The following ALPK2 variants were observed in gnomAD, a reference collection of about 807,000 sequenced individuals.
ALPK2 encodes the protein alpha kinase 2.
A neutral mutation model predicts 163.1 loss-of-function variants in ALPK2; 127 were observed. The observed-to-expected ratio is 0.78, with a 90% confidence interval of 0.67 to 0.90. The LOEUF (loss-of-function observed/expected upper bound fraction) is 0.90. Among genes scored for constraint, ALPK2 ranks in the 40% least tolerant of loss-of-function variants. The pLI is 0.00. For synonymous variants in ALPK2, 953 were observed against 959.1 expected, an observed-to-expected ratio of 0.99 and a Z score of 0.12; for missense variants, 2,360 against 2,589.6, an observed-to-expected ratio of 0.91 and a Z score of 1.92.
In ALPK2 at chr18:58,556,598, G is replaced by A. The variant is rs569949059; in HGVS notation, c.1963-18374C>T. ...TGGAGGAAGGTGGGAGGGAAGGGTGGGGCATATTTAATCCTTTCTGGGGAA... is the reference window on the plus strand; with the variant it reads ...TGGAGGAAGGTGGGAGGGAAGGGTGAGGCATATTTAATCCTTTCTGGGGAA... On this transcript the variant is annotated intron_variant, in intron 4 of 12. Coordinates refer to ENST00000361673, the MANE Select transcript of ALPK2 (RefSeq NM_052947.4). 3.3e-5 allele frequency among the ~76,000 whole-genome samples: 5 copies of A among 152,220 alleles called. No homozygotes were observed. In the East Asian group the frequency reaches 9.6e-4, roughly 29 times the overall value.
In ALPK2 at chr18:58,538,251, A is replaced by G. The variant is rs746395530; in HGVS notation, c.1963-27T>C. 3.2e-6 allele frequency: 5 copies of G among 1,583,956 alleles called. No homozygotes were observed. The East Asian group carries it at 1.1e-4, about 35-fold the overall frequency. On this transcript the variant is annotated intron_variant, in intron 4 of 12. Transcript: ENST00000361673. ...TAGGAAGATGAAAAGTGATATTAGT[A>G]GAATTGTTCATGGGAGAGCCCACAA...
chr18:58,533,836 C>T (rs1053116934), intron 5 of ALPK2, among the ~76,000 whole-genome samples: 1 of 152,158 alleles, frequency 6.6e-6, no homozygotes, highest in African/African-American at 2.4e-5. Flanking sequence ...GCAGTTTTGT[C>T]TTTAAACCTT....
intron 4 of ALPK2, among the ~76,000 whole-genome samples, chr18:58,553,357 C>A (rs990063054): frequency 2.0e-5 from 3 of 152,150 alleles, no homozygotes; most frequent in Non-Finnish European, 4.4e-5. Flanking sequence ...GGGTTAGACA[C>A]AGGGCCTGAA....
rs767840126 is a variant in ALPK2, at chr18:58,628,656, A to G, written c.-21+108T>C. 34 of 152,198 alleles carry G rather than the reference A, an allele frequency of 2.2e-4. 1 individual carries two copies. Among genetic ancestry groups the G allele is most frequent in the Non-Finnish European group, 4.7e-4 (32 of 68,038 alleles). The allele number at this position is 152,198 out of a possible 1,614,324, so 9.4% of individuals were successfully genotyped here. A position where few individuals can be genotyped will look rare whatever the true frequency, so the allele number is the denominator to read the frequency against. On this transcript the variant is annotated intron_variant, in intron 1 of 12. Transcript: ENST00000361673. ...ATCCCTATTGGTTTCATCTCATTCT[A>G]TTTCATCAGGAAACCATCTGCTTTG...
chr18:58,561,901 T>C (rs1225605191), intron 4 of ALPK2, among the ~76,000 whole-genome samples: 1 of 152,178 alleles, frequency 6.6e-6, no homozygotes, highest in Non-Finnish European at 1.5e-5. Flanking sequence ...CAGGGCATTA[T>C]CAGCACCTGC....
chr18:58,551,127 A>G (rs1228245506), intron 4 of ALPK2, among the ~76,000 whole-genome samples: 1 of 147,794 alleles, frequency 6.8e-6, no homozygotes, highest in Non-Finnish European at 1.5e-5. Context: ...AAAAACCCAC[A>G]TTTTTTTTCT....
At chr18:58,552,463 G>T (rs2051764888) in intron 4 of ALPK2, among the ~76,000 whole-genome samples, 1 of 152,208 alleles carries the variant, frequency 6.6e-6, no homozygotes, top group South Asian at 2.1e-4. Flanking sequence ...CACAGAGACA[G>T]AAATAACTTG....
chr18:58,529,297 T>G, intron 5 of ALPK2, 59 bp from the exon 6 acceptor site: 2 of 1,462,300 alleles, frequency 1.4e-6, no homozygotes, highest in Non-Finnish European at 1.9e-6. Context: ...TCATACCATT[T>G]AATTCTCATA....
chr18:58,539,109 A>G (rs1327058301), intron 4 of ALPK2, among the ~76,000 whole-genome samples: 1 of 152,234 alleles, frequency 6.6e-6, no homozygotes, highest in Non-Finnish European at 1.5e-5. Context: ...GAAGTGCACT[A>G]AGATAACAAT....
At chr18:58,614,090 G>A (rs2052151128) in intron 1 of ALPK2, among the ~76,000 whole-genome samples, 1 of 152,172 alleles carries the variant, frequency 6.6e-6, no homozygotes, top group African/African-American at 2.4e-5. Context: ...GTGTGTGCAG[G>A]AAGCAACTTT....
chr18:58,591,259 T>C (rs1259552642), intron 3 of ALPK2, among the ~76,000 whole-genome samples: 1 of 152,206 alleles, frequency 6.6e-6, no homozygotes, highest in Non-Finnish European at 1.5e-5. Flanking sequence ...GATACAGGAA[T>C]TGGAACTATC....
chr18:58,493,441 T>C (rs2051385239), intron 12 of ALPK2, among the ~76,000 whole-genome samples: 1 of 152,142 alleles, frequency 6.6e-6, no homozygotes, highest in Non-Finnish European at 1.5e-5. Context: ...GCGCTTCCTC[T>C]CCAGGTACGG....
At position 58,580,187 on chromosome 18, in the gene ALPK2, T is replaced by C; in HGVS notation, c.589A>G (p.Arg197Gly). ...GGATCATAAGCCTCTCCAGTGTGCC[T>C]TGTTCCTTTAACACCCAAAGGATTT... is the stretch of plus-strand genomic sequence containing the variant. ...SENPLGVKGT[R>G]HTGEAYDPSN... The change falls in exon 4 of 13, where the codon AGG becomes GGG. Residue 197 changes from arginine to glycine, a missense_variant. Coordinates refer to ENST00000361673, the MANE Select transcript of ALPK2 (RefSeq NM_052947.4). 1 of 1,614,244 alleles carries C rather than the reference T, an allele frequency of 6.2e-7. No individual in the cohort carries two copies. The highest frequency in any genetic ancestry group is 8.5e-7 in the Non-Finnish European group (1 of 1,180,040).
At chr18:58,581,203 G>A (rs2051957392) in intron 3 of ALPK2, among the ~76,000 whole-genome samples, 1 of 152,112 alleles carries the variant, frequency 6.6e-6, no homozygotes, top group Non-Finnish European at 1.5e-5. Context: ...GTGAGACATT[G>A]TACACAAATA....
At chr18:58,618,611 G>A (rs1414178177) in intron 1 of ALPK2, among the ~76,000 whole-genome samples, 1 of 152,242 alleles carries the variant, frequency 6.6e-6, no homozygotes, top group African/African-American at 2.4e-5. Context: ...TAAGCACTAT[G>A]TAAGTGTTAG....
chr18:58,525,044 T>TATAC (rs1255855346), intron 6 of ALPK2, among the ~76,000 whole-genome samples: 1 of 152,198 alleles, frequency 6.6e-6, no homozygotes, highest in Admixed American at 6.5e-5. Context: ...ATTCTGTGTA[T>TATAC]GTATGTGTAT....
chr18:58,537,913 C>A lies in ALPK2; in HGVS notation c.2274G>T (p.Arg758Ser). Reference protein sequence around the residue: ...DETMSPGVFSRHLPKDARADF... With the variant: ...DETMSPGVFSSHLPKDARADF... ...CAGCACGAGCATCCTTGGGGAGATG[C>A]CTTGAGAACACACCTGGGGACATAG... Residue 758 changes from arginine (R) to serine (S), a missense_variant, in exon 5 of 13, where the codon AGG becomes AGT. Physicochemically the swap from Arg to Ser is moderately radical, Grantham distance 110 (BLOSUM62 -1). Transcript: ENST00000361673. The A allele has an allele frequency of 6.2e-7, 1 of 1,614,184 alleles. No individual in the cohort carries two copies. Among genetic ancestry groups the A allele is most frequent in the Non-Finnish European group, 8.5e-7 (1 of 1,180,028 alleles).
chr18:58,513,528 C>T (rs1006415940), intron 10 of ALPK2, among the ~76,000 whole-genome samples: 1 of 152,206 alleles, frequency 6.6e-6, no homozygotes, highest in Non-Finnish European at 1.5e-5. Context: ...CTTGCATGAG[C>T]CCTTTCCAAG....
Position 58,504,120 on chromosome 18 carries a change from G to T in ALPK2, c.6058C>A (p.Pro2020Thr). ...GTAGCATACGGGATATTGTTCTCAGGCCGATGGATAAGAAAAATAGGAATG... is the reference window on the plus strand; with the variant it reads ...GTAGCATACGGGATATTGTTCTCAGTCCGATGGATAAGAAAAATAGGAATG... ...EIIPIFLIHRPENNIPYATVE... is the reference protein window; with the variant it reads ...EIIPIFLIHRTENNIPYATVE... The change falls in exon 11 of 13, where the codon CCT becomes ACT. Residue 2020 changes from proline (P) to threonine (T), a missense_variant. Coordinates refer to ENST00000361673, the MANE Select transcript of ALPK2 (RefSeq NM_052947.4). 6.2e-7 allele frequency: 1 copy of T among 1,614,150 alleles called. No individual in the cohort carries two copies. The highest frequency in any genetic ancestry group is 8.5e-7 in the Non-Finnish European group (1 of 1,180,014).
Sources: gnomAD v4.1 joint callset for allele counts (sites outside exome capture counted in the v4.1 genomes callset) on GRCh38, gnomAD v4.1.1 for gene constraint, MANE v1.5 for transcripts, NCBI Gene and HGNC (gene_info 2026-07-23, HGNC 2026-07-21) for gene names.